The following PRAMEF15 variants were observed in gnomAD, a reference collection of about 807,000 sequenced individuals.
PRAMEF15 encodes the protein PRAME family member 15.
Under a neutral mutation model 35.3 loss-of-function variants are expected in PRAMEF15, and 21 were observed. The ratio of observed to expected loss-of-function variants is 0.59; its 90% confidence interval spans 0.42 to 0.86. The LOEUF is 0.86. Ranked by LOEUF, PRAMEF15 falls within the 40% of genes least tolerant of loss-of-function variation. PRAMEF15 has a pLI of 0.00. For synonymous variants in PRAMEF15, 122 were observed against 223.3 expected, an observed-to-expected ratio of 0.55 and a Z score of 4.05; for missense variants, 360 against 574.1, an observed-to-expected ratio of 0.63 and a Z score of 3.81.
rs1447311580 is a variant in PRAMEF15, at chr1:13,319,373, A to T, written c.295A>T (p.Arg99Trp). 6.2e-7 allele frequency: 1 copy of T among 1,610,520 alleles called. No homozygotes were observed. The highest frequency in any genetic ancestry group is 8.5e-7 in the Non-Finnish European group (1 of 1,179,798). Residue 99 changes from arginine (R) to tryptophan (W), a missense_variant and splice_region_variant, in exon 3 of 4, where the codon AGG becomes TGG. Arg to Trp is a moderately radical substitution (Grantham distance 101). This residue lies in a region of PRAMEF15 where 44 missense variants were observed against 25.9 expected (regional missense o/e 1.70). Transcript: ENST00000376152. ...AGTCTCACCTCTATTTTGCCACAGG[A>T]GGTGGAAACTCCAAGTGCTGGATTT... The part of the protein sequence containing the change: ...ALLTQGVRPR[R>W]WKLQVLDLQD...
rs1385726041 is a variant in PRAMEF15, at chr1:13,319,796, G to T, written c.718G>T (p.Val240Phe). 5 of 1,601,178 alleles carry T rather than the reference G, an allele frequency of 3.1e-6. 1 individual carries two copies. In the Admixed American group the frequency reaches 5.0e-5, roughly 16 times the overall value. Residue 240 changes from valine to phenylalanine, a missense_variant, in exon 3 of 4, where the codon GTT becomes TTT. Physicochemically the swap from Val to Phe is conservative, Grantham distance 50. Coordinates refer to ENST00000376152, the MANE Select transcript of PRAMEF15 (RefSeq NM_001098376.3). Reference sequence around the variant, plus strand: ...CCACATGAGGAATCTTCAGAAGCTCGTTCTCTCCCACATGGATGTCTCTCG... The same window carrying T: ...CCACATGAGGAATCTTCAGAAGCTCTTTCTCTCCCACATGGATGTCTCTCG... The part of the protein sequence containing the change: ...LGHMRNLQKL[V>F]LSHMDVSRYV...
At chr1:13,317,950 A>G (rs1258803811) in intron 1 of PRAMEF15, among the ~76,000 whole-genome samples, 7 of 152,026 alleles carry the variant, frequency 4.6e-5, no homozygotes, top group African/African-American at 1.7e-4. Context: ...TAAATAATGA[A>G]AAGAAAACAA....
At chr1:13,315,934 A>G (rs1365089950) in intron 1 of PRAMEF15, among the ~76,000 whole-genome samples, 1 of 151,634 alleles carries the variant, frequency 6.6e-6, no homozygotes, top group African/African-American at 2.4e-5. Flanking sequence ...CCAAAGTGGG[A>G]GGATCATTTC....
intron 3 of PRAMEF15, among the ~76,000 whole-genome samples, chr1:13,320,221 G>A (rs1488965593): frequency 6.6e-6 from 1 of 152,032 alleles, no homozygotes; most frequent in African/African-American, 2.4e-5. Context: ...TCTAGTGAGG[G>A]TGCCTTTCTG....
rs1409235218 is a variant in PRAMEF15 at position 13,316,746 on chromosome 1, T to C, written c.-17+1088T>C. On this transcript the variant is annotated intron_variant, in intron 1 of 3. Coordinates refer to ENST00000376152, the MANE Select transcript of PRAMEF15 (RefSeq NM_001098376.3). ...TCTTAGGGACTGTCATCTCTGTCTT[T>C]GAAAACTGTTTTAACTCTGAAATAT... is the stretch of plus-strand genomic sequence containing the variant. 3.3e-5 allele frequency among the ~76,000 whole-genome samples: 5 copies of C among 152,076 alleles called. No individual in the cohort carries two copies. In the East Asian group the frequency reaches 9.7e-4, roughly 30 times the overall value.
At position 13,321,744 on chromosome 1, in the gene PRAMEF15, G is replaced by C; in HGVS notation, c.917G>C (p.Cys306Ser). The stretch of plus-strand genomic sequence containing the variant: ...TTAAAAGTCCTCACAATAACTAACT[G>C]TGTGCTTTTGGAATCAGACTTGAAG... ...TSLKVLTITN[C>S]VLLESDLKHL... is the part of the protein sequence containing the mutation. The change falls in exon 4 of 4, where the codon TGT becomes TCT. Residue 306 changes from cysteine (C) to serine (S), a missense_variant. This residue lies in a region of PRAMEF15 where 72 missense variants were observed against 79.9 expected (regional missense o/e 0.90). Coordinates refer to ENST00000376152, the MANE Select transcript of PRAMEF15 (RefSeq NM_001098376.3). 1 of 1,608,870 alleles carries C rather than the reference G, an allele frequency of 6.2e-7. No individual in the cohort carries two copies. Among genetic ancestry groups the C allele is most frequent in the East Asian group, 2.3e-5 (1 of 43,772 alleles).
At chr1:13,320,429 CT>C (rs1241741531) in intron 3 of PRAMEF15, among the ~76,000 whole-genome samples, 3,010 of 143,666 alleles carry the variant, frequency 0.021, no homozygotes, top group East Asian at 0.14. Context: ...AACAAGATAA[CT>C]TTTTTTTTCT....
At chr1:13,317,817 G>C (rs1387289592) in intron 1 of PRAMEF15, among the ~76,000 whole-genome samples, 9 of 150,324 alleles carry the variant, frequency 6.0e-5, no homozygotes, top group African/African-American at 1.7e-4. Context: ...GAGAGAATGA[G>C]AGAAGGGAGG....
At chr1:13,316,105 T>A (rs1569788691) in intron 1 of PRAMEF15, among the ~76,000 whole-genome samples, 1 of 151,386 alleles carries the variant, frequency 6.6e-6, no homozygotes, top group Non-Finnish European at 1.5e-5. Context: ...GTTCAAGCAA[T>A]TCTCATGCCT....
In PRAMEF15 at chr1:13,322,205, T is replaced by C; in HGVS notation, c.1378T>C (p.Cys460Arg). The part of the protein sequence containing the change: ...PKRILFCTDY[C>R]PDCGNRSFYD... ...GAGGATCTTGTTCTGTACTGACTACTGCCCTGACTGTGGCAACAGGTCATT... is the reference window on the plus strand; with the variant it reads ...GAGGATCTTGTTCTGTACTGACTACCGCCCTGACTGTGGCAACAGGTCATT... The change falls in exon 4 of 4, where the codon TGC (cysteine) becomes CGC (arginine). Residue 460 changes from cysteine to arginine, a missense_variant. By Grantham distance (180) the Cys-to-Arg change is radical. This residue lies in a region of PRAMEF15 where 147 missense variants were observed against 123.5 expected (regional missense o/e 1.19). Coordinates refer to ENST00000376152, the MANE Select transcript of PRAMEF15 (RefSeq NM_001098376.3). 1.2e-6 allele frequency: 2 copies of C among 1,606,834 alleles called. No homozygotes were observed. Among genetic ancestry groups the C allele is most frequent in the Non-Finnish European group, 1.7e-6 (2 of 1,177,516 alleles).
At chr1:13,320,462 C>A (rs1228565010) in intron 3 of PRAMEF15, among the ~76,000 whole-genome samples, 11 of 152,122 alleles carry the variant, frequency 7.2e-5, no homozygotes, top group Non-Finnish European at 1.5e-4. Flanking sequence ...TCACTTTGAT[C>A]GTCCAGGCTA....
In PRAMEF15 at chr1:13,320,137, G is replaced by A. The variant is rs1197464752; in HGVS notation, c.875+184G>A. Among the ~76,000 whole-genome samples the A allele has an allele frequency of 2.0e-4, 31 of 152,222 alleles. No individual in the cohort carries two copies. The South Asian group carries it at 4.1e-3, about 20-fold the overall frequency. On this transcript the variant is annotated intron_variant, in intron 3 of 3. Transcript: ENST00000376152. Reference sequence around the variant, plus strand: ...GGTATCATGCAACCATCCCAATAGAGGCAGAGGGATCAGCTAGGGGAGATG... The same window carrying A: ...GGTATCATGCAACCATCCCAATAGAAGCAGAGGGATCAGCTAGGGGAGATG...
chr1:13,322,089 G>C lies in PRAMEF15; in HGVS notation c.1262G>C (p.Ser421Thr). 2 of 1,609,050 alleles carry C rather than the reference G, an allele frequency of 1.2e-6. No homozygotes were observed. The highest frequency in any genetic ancestry group is 1.7e-6 in the Non-Finnish European group (2 of 1,178,458). The change falls in exon 4 of 4, where the codon AGT becomes ACT. Residue 421 changes from serine (S) to threonine (T), a missense_variant. Ser to Thr is a moderately conservative substitution (Grantham distance 58). Transcript: ENST00000376152. ...CVELYPAPRE[S>T]YGADGTLCWS... ...GAGCTGTATCCTGCCCCCCGAGAGA[G>C]TTATGGTGCTGATGGTACTCTCTGC...
chr1:13,318,240 G>A (rs1640032078), intron 1 of PRAMEF15, among the ~76,000 whole-genome samples, 152 bp from the exon 2 acceptor site: 1 of 152,136 alleles, frequency 6.6e-6, no homozygotes, highest in African/African-American at 2.4e-5. Context: ...GCAGAATGCT[G>A]GCTTAATGGC....
intron 1 of PRAMEF15, among the ~76,000 whole-genome samples, chr1:13,318,024 A>T (rs1640029302): frequency 1.3e-5 from 2 of 151,978 alleles, no homozygotes; most frequent in African/African-American, 4.8e-5. Context: ...GGAACTGAAA[A>T]TGTGGGCATG....
chr1:13,322,069 G>C lies in PRAMEF15; in HGVS notation c.1242G>C (p.Leu414=). The change falls in exon 4 of 4, where the codon CTG becomes CTC. Residue 414 remains leucine (L), a synonymous_variant. Transcript: ENST00000376152. The part of the protein sequence containing the change: ...TIILKNLCVE[L]YPAPRESYGA... ...TACTCAAAAACTTATGTGTGGAGCT[G>C]TATCCTGCCCCCCGAGAGAGTTATG... 1 of 1,610,032 alleles carries C rather than the reference G, an allele frequency of 6.2e-7. No homozygotes were observed. Among genetic ancestry groups the C allele is most frequent in the Non-Finnish European group, 8.5e-7 (1 of 1,178,960 alleles).
intron 1 of PRAMEF15, 57 bp from the exon 2 acceptor site, chr1:13,318,335 G>C: frequency 1.3e-6 from 2 of 1,578,144 alleles, no homozygotes; most frequent in Non-Finnish European, 1.7e-6. Flanking sequence ...GAGAAGATGA[G>C]ATTGCATGGG....
Position 13,319,491 on chromosome 1 carries a change from A to G in PRAMEF15, c.413A>G (p.Gln138Arg). The change falls in exon 3 of 4, where the codon CAG (glutamine) becomes CGG (arginine). Residue 138 changes from glutamine (Q) to arginine (R), a missense_variant. By Grantham distance (43) the Gln-to-Arg change is conservative (BLOSUM62 1). Around this residue, in one of 8 missense-constraint regions of PRAMEF15, gnomAD observed 18 missense variants for 42.9 expected, o/e 0.42. Coordinates refer to ENST00000376152, the MANE Select transcript of PRAMEF15 (RefSeq NM_001098376.3). ...GCCAAGAGGAACAAAAAACCAGTGCAGGACTGTCCAAGGATGAGAGGACGG... is the reference window on the plus strand; with the variant it reads ...GCCAAGAGGAACAAAAAACCAGTGCGGGACTGTCCAAGGATGAGAGGACGG... The part of the protein sequence containing the change: ...LNAKRNKKPV[Q>R]DCPRMRGRQP... The G allele has an allele frequency of 6.2e-7, 1 of 1,613,876 alleles. No homozygotes were observed. Among genetic ancestry groups the G allele is most frequent in the Non-Finnish European group, 8.5e-7 (1 of 1,179,868 alleles).
At chr1:13,318,324 G>GGAGAA in intron 1 of PRAMEF15, 68 bp from the exon 2 acceptor site, 1 of 1,591,070 alleles carries the variant, frequency 6.3e-7, no homozygotes, top group South Asian at 1.1e-5. Flanking sequence ...TTTGGCCATA[G>GGAGAA]GAGAAGATGA....
Sources: allele counts gnomAD v4.1 joint callset (sites outside exome capture counted in the v4.1 genomes callset), GRCh38; gene constraint gnomAD v4.1.1; regional missense constraint gnomAD v4.1.1; transcripts MANE v1.5; gene names NCBI Gene and HGNC (gene_info 2026-07-23, HGNC 2026-07-21).